ZFP2: variants seen among roughly 807,000 people sequenced by gnomAD.
The protein encoded by ZFP2 is zinc finger protein ZFP2.
ZFP2 carries 33 observed loss-of-function variants against 36.1 expected under a neutral mutation model. That is an observed-to-expected ratio of 0.92 (90% CI 0.69 to 1.22). ZFP2 has a LOEUF of 1.22. ZFP2 is among the 50% of genes most tolerant of loss of function. ZFP2 has a pLI of 0.00. For synonymous variants in ZFP2, 170 were observed against 178.0 expected (o/e 0.96, Z 0.36); for missense variants, 522 against 551.4 (o/e 0.95, Z 0.53).
At chr5:178,916,487 T>TA in intron 3 of ZFP2, 78 bp from the exon 4 acceptor site, 2 of 939,544 alleles carry the variant, frequency 2.1e-6, no homozygotes, top group Non-Finnish European at 1.3e-6. Flanking sequence ...TGGGAGAAAC[T>TA]AAAGATAGGC....
In ZFP2 at chr5:178,932,133, CA is replaced by C. The variant is rs1561687076; in HGVS notation, c.822del (p.Gln274HisfsTer41). ...HTGEKPYECS[Q>X]CGKAFSKSST... ...TGGAGAAAAACCCTATGAGTGTAGT[CA>C]ATGTGGAAAAGCCTTTAGTAAGAGC... On this transcript the variant is annotated frameshift_variant, in exon 5 of 5. Coordinates refer to ENST00000361362, the MANE Select transcript of ZFP2 (RefSeq NM_030613.4). LOFTEE classifies it high-confidence loss of function. 1.2e-6 allele frequency: 2 copies of C among 1,612,682 alleles called. No individual in the cohort carries two copies. Among genetic ancestry groups the C allele is most frequent in the South Asian group, 1.1e-5 (1 of 90,964 alleles).
chr5:178,926,677 C>G (rs577638351), intron 4 of ZFP2, among the ~76,000 whole-genome samples: 4 of 152,020 alleles, frequency 2.6e-5, no homozygotes, highest in African/African-American at 9.7e-5. Context: ...CCACCATGCC[C>G]GGCTAATTTT....
intron 4 of ZFP2, chr5:178,922,557 G>A: frequency 6.8e-7 from 1 of 1,473,724 alleles, no homozygotes; most frequent in South Asian, 1.1e-5. Context: ...AGTTTTGTAG[G>A]AGCATGGCTT....
intron 4 of ZFP2, among the ~76,000 whole-genome samples, chr5:178,924,021 A>C (rs1399241466): frequency 1.3e-5 from 2 of 149,312 alleles, no homozygotes; most frequent in African/African-American, 4.9e-5. Flanking sequence ...TTTTGTTCTT[A>C]TATCAGCACT....
rs982224109 is a variant in ZFP2, at chr5:178,923,321, G to A, written c.-78+6611G>A. On this transcript the variant is annotated intron_variant, in intron 4 of 4. Coordinates refer to ENST00000361362, the MANE Select transcript of ZFP2 (RefSeq NM_030613.4). The stretch of plus-strand genomic sequence containing the variant: ...CATTCCCCGCTTCCGCCAGCCCCTG[G>A]TAACCTCCGCTTTCTGCCTCTATGA... Among the ~76,000 whole-genome samples, 2 of 149,304 alleles carry A rather than the reference G, an allele frequency of 1.3e-5. 1 individual carries two copies. The highest frequency in any genetic ancestry group is 3.0e-5 in the Non-Finnish European group (2 of 66,538).
At chr5:178,900,143 T>C (rs1394841836) in intron 1 of ZFP2, among the ~76,000 whole-genome samples, 1 of 152,226 alleles carries the variant, frequency 6.6e-6, no homozygotes. Context: ...TTAATTTATG[T>C]AGCCAAAATA....
intron 4 of ZFP2, among the ~76,000 whole-genome samples, chr5:178,919,214 C>G (rs1566106): frequency 0.8 from 120,992 of 152,142 alleles, 49,494 homozygotes; most frequent in South Asian, 0.96. Flanking sequence ...TACTTCTGAA[C>G]CATCTATCAG....
intron 1 of ZFP2, among the ~76,000 whole-genome samples, chr5:178,906,454 C>T (rs747511423): frequency 1.3e-4 from 20 of 152,114 alleles, no homozygotes; most frequent in Middle Eastern, 6.8e-3. Context: ...TGTGTCTGCC[C>T]TCCTCTTTTG....
At chr5:178,927,907 C>G (rs1312094820) in intron 4 of ZFP2, among the ~76,000 whole-genome samples, 1 of 151,372 alleles carries the variant, frequency 6.6e-6, no homozygotes, top group Non-Finnish European at 1.5e-5. Flanking sequence ...AGCATTAGTG[C>G]CAGCATCTGC....
chr5:178,927,440 C>G (rs950189798), intron 4 of ZFP2, among the ~76,000 whole-genome samples: 1 of 151,664 alleles, frequency 6.6e-6, no homozygotes. Context: ...TTAGTCTGTT[C>G]TCACATTGCT....
chr5:178,928,803 C>G (rs1295749633), intron 4 of ZFP2, among the ~76,000 whole-genome samples: 1 of 152,240 alleles, frequency 6.6e-6, no homozygotes, highest in African/African-American at 2.4e-5. Context: ...CATGGCGGCT[C>G]CAATGCCACA....
chr5:178,911,553 A>G (rs1758299241), intron 1 of ZFP2, among the ~76,000 whole-genome samples: 1 of 152,148 alleles, frequency 6.6e-6, no homozygotes, highest in South Asian at 2.1e-4. Context: ...TTTAATGAGT[A>G]TATGTGAAAT....
intron 4 of ZFP2, among the ~76,000 whole-genome samples, chr5:178,918,705 G>A (rs1156979528): frequency 6.6e-6 from 1 of 152,048 alleles, no homozygotes; most frequent in African/African-American, 2.4e-5. Flanking sequence ...TCTTGTTTAG[G>A]AAAAAAGGAA....
rs1208384725 is a variant in ZFP2, at chr5:178,932,665, CA to C, written c.1355del (p.Asn452ThrfsTer22). The C allele has an allele frequency of 1.2e-6, 2 of 1,610,572 alleles. No individual in the cohort carries two copies. Among genetic ancestry groups the C allele is most frequent in the Non-Finnish European group, 1.7e-6 (2 of 1,178,384 alleles). ...TGCGGAAAAGCCTTCAGCCGGAGTA[CA>C]AACCTTACACGACATCAAAGAACTC... ...NECGKAFSRSTNLTRHQRTHT is the reference protein window; with the variant it reads ...NECGKAFSRSXNLTRHQRTHT On this transcript the variant is annotated frameshift_variant, in exon 5 of 5. Coordinates refer to ENST00000361362, the MANE Select transcript of ZFP2 (RefSeq NM_030613.4). LOFTEE classifies it high-confidence loss of function.
chr5:178,922,044 T>C, intron 4 of ZFP2: 1 of 770,488 alleles, frequency 1.3e-6, no homozygotes, highest in Non-Finnish European at 2.3e-6. Context: ...GAGAGTCAGC[T>C]AGCCACCCAA....
intron 1 of ZFP2, chr5:178,909,978 T>G (rs1157323384): frequency 2.3e-5 from 32 of 1,409,926 alleles, no homozygotes; most frequent in Non-Finnish European, 2.8e-5. Context: ...AGAATTGTTC[T>G]GGGTAGAGAC....
At chr5:178,930,124 A>G (rs563795127) in intron 4 of ZFP2, among the ~76,000 whole-genome samples, 3 of 151,968 alleles carry the variant, frequency 2.0e-5, no homozygotes, top group African/African-American at 7.2e-5. Context: ...ACCATTCATA[A>G]GAAACCACTC....
chr5:178,917,785 C>T lies in ZFP2; in HGVS notation c.-78+1075C>T, dbSNP rs556492891. ...ACATGAGCCTCACTGATGTTTAATA[C>T]GTACACATATCTTTGCTTTCGTTAC... On this transcript the variant is annotated intron_variant, in intron 4 of 4. Coordinates refer to ENST00000361362, the MANE Select transcript of ZFP2 (RefSeq NM_030613.4). Among the ~76,000 whole-genome samples, 8 of 152,280 alleles carry T rather than the reference C, an allele frequency of 5.3e-5. No homozygotes were observed. In the East Asian group the frequency reaches 7.7e-4, roughly 15 times the overall value.
In ZFP2 at chr5:178,923,304, G is replaced by T. The variant is rs537561301; in HGVS notation, c.-78+6594G>T. ...TTTAAGCAATAGCATCCCATTCCCC[G>T]CTTCCGCCAGCCCCTGGTAACCTCC... is the stretch of plus-strand genomic sequence containing the variant. On this transcript the variant is annotated intron_variant, in intron 4 of 4. Transcript: ENST00000361362. Among the ~76,000 whole-genome samples, 7 of 149,258 alleles carry T rather than the reference G, an allele frequency of 4.7e-5. 2 individuals are homozygous for T. The highest frequency in any genetic ancestry group is 1.1e-4 in the Non-Finnish European group (7 of 66,500).
Sources: gnomAD v4.1 joint callset for allele counts (sites outside exome capture counted in the v4.1 genomes callset) on GRCh38, gnomAD v4.1.1 for gene constraint, MANE v1.5 for transcripts, NCBI Gene and HGNC (gene_info 2026-07-23, HGNC 2026-07-21) for gene names.